SPMIP7: variants seen among roughly 807,000 people sequenced by gnomAD.
SPMIP7 encodes the protein sperm microtubule inner protein 7, also known as protein SPMIP7.
At chr7:50,101,514 ATTGT>A in the SPMIP7 span, among the ~76,000 whole-genome samples, 1 of 152,154 alleles carries the variant, frequency 6.6e-6, no homozygotes, top group African/African-American at 2.4e-5. Flanking sequence ...AGGTTTTAGA[ATTGT>A]TTGTTTTTCA....
chr7:50,118,995 A>G, the SPMIP7 span, among the ~76,000 whole-genome samples: 1 of 152,168 alleles, frequency 6.6e-6, no homozygotes, highest in Non-Finnish European at 1.5e-5. Flanking sequence ...TTAATGCATT[A>G]TGTCATAGTG....
At chr7:50,141,218 C>A in the SPMIP7 span, 1 of 1,126,532 alleles carries the variant, frequency 8.9e-7, no homozygotes, top group Non-Finnish European at 1.3e-6. Context: ...GAATACTGTT[C>A]AATGGTTTCT....
the SPMIP7 span, among the ~76,000 whole-genome samples, chr7:50,102,201 G>A: frequency 4.6e-5 from 7 of 152,246 alleles, no homozygotes; most frequent in South Asian, 1.0e-3. Context: ...GCGCGTGCCC[G>A]TAATCCCAGC....
chr7:50,140,403 G>T, the SPMIP7 span, among the ~76,000 whole-genome samples: 3 of 152,118 alleles, frequency 2.0e-5, no homozygotes, highest in East Asian at 5.8e-4. Context: ...AAAGAAGGAA[G>T]GAAGGAAAGA....
the SPMIP7 span, among the ~76,000 whole-genome samples, chr7:50,125,233 TATATACACATATATACACATATATATAC>T: frequency 2.0e-5 from 1 of 50,448 alleles, no homozygotes; most frequent in Admixed American, 2.5e-4. Flanking sequence ...TATACACATA[TATATACACATATATACACATATATATAC>T]ACACATATAT....
At chr7:50,116,173 T>A in the SPMIP7 span, among the ~76,000 whole-genome samples, 1 of 152,224 alleles carries the variant, frequency 6.6e-6, no homozygotes, top group East Asian at 1.9e-4. Context: ...TGGAGTGTAG[T>A]GGCGTGATCA....
the SPMIP7 span, chr7:50,096,061 AT>A: frequency 3.6e-6 from 5 of 1,406,606 alleles, no homozygotes; most frequent in East Asian, 1.0e-4. Context: ...CTTTATAGTT[AT>A]CAAAAATTCT....
the SPMIP7 span, among the ~76,000 whole-genome samples, chr7:50,145,606 G>GTA: frequency 5.3e-5 from 2 of 37,982 alleles, no homozygotes; most frequent in East Asian, 7.1e-4. Context: ...GTGTGTGTGT[G>GTA]TATATGTGTG....
chr7:50,155,995 G>T, the SPMIP7 span, among the ~76,000 whole-genome samples: 43 of 152,166 alleles, frequency 2.8e-4, no homozygotes, highest in Non-Finnish European at 1.8e-4. Flanking sequence ...GTGATGGCTC[G>T]TGCTGGGCCC....
At chr7:50,154,542 A>G in the SPMIP7 span, among the ~76,000 whole-genome samples, 24 of 152,208 alleles carry the variant, frequency 1.6e-4, 1 homozygote, top group Admixed American at 2.6e-4. Context: ...TTCCAGGTCC[A>G]TCTGTGTTGT....
chr7:50,112,936 G>T, the SPMIP7 span, among the ~76,000 whole-genome samples: 1 of 66,846 alleles, frequency 1.5e-5, no homozygotes, highest in African/African-American at 4.9e-5. Flanking sequence ...CAGGTCTTTG[G>T]GTACTGATCT....
chr7:50,149,158 T>C, the SPMIP7 span, among the ~76,000 whole-genome samples: 1 of 146,894 alleles, frequency 6.8e-6, no homozygotes, highest in African/African-American at 2.5e-5. Flanking sequence ...AAAAAAAAAA[T>C]GTGGGAGTGG....
the SPMIP7 span, among the ~76,000 whole-genome samples, chr7:50,110,016 T>C: frequency 6.6e-6 from 1 of 152,162 alleles, no homozygotes; most frequent in Admixed American, 6.5e-5. Context: ...CTGGATTTTT[T>C]GGTACACAAT....
the SPMIP7 span, among the ~76,000 whole-genome samples, chr7:50,110,964 G>A: frequency 7.1e-6 from 1 of 139,936 alleles, no homozygotes; most frequent in Non-Finnish European, 1.5e-5. Context: ...TTTATAATAT[G>A]TAAACCATCA....
the SPMIP7 span, chr7:50,140,097 C>T: frequency 3.0e-6 from 4 of 1,326,672 alleles, no homozygotes; most frequent in South Asian, 4.4e-5. Flanking sequence ...TGTTTATTAA[C>T]TTAATATAAA....
the SPMIP7 span, chr7:50,134,271 A>G: frequency 6.7e-7 from 1 of 1,500,100 alleles, no homozygotes; most frequent in Non-Finnish European, 8.9e-7. Context: ...CTGAACAATA[A>G]TGTATTTCTC....
the SPMIP7 span, among the ~76,000 whole-genome samples, chr7:50,126,216 T>C: frequency 5.5e-5 from 6 of 109,896 alleles, no homozygotes; most frequent in Non-Finnish European, 9.0e-5. Context: ...ATACACATCA[T>C]CAATATAAAA....
At chr7:50,149,924 C>T in the SPMIP7 span, among the ~76,000 whole-genome samples, 61 of 152,194 alleles carry the variant, frequency 4.0e-4, 1 homozygote, top group Admixed American at 9.2e-4. Flanking sequence ...TATCACTACC[C>T]GGGGTCAGGC....
chr7:50,130,030 G>T, the SPMIP7 span, among the ~76,000 whole-genome samples: 1 of 152,014 alleles, frequency 6.6e-6, no homozygotes, highest in Admixed American at 6.6e-5. Context: ...AGAGGGAGTG[G>T]GGGGATAAGA....
Sources: gnomAD v4.1 joint callset for allele counts (sites outside exome capture counted in the v4.1 genomes callset) on GRCh38, gnomAD v4.1.1 for gene constraint, MANE v1.5 for transcripts, NCBI Gene and HGNC (gene_info 2026-07-23, HGNC 2026-07-21) for gene names.